Variants in AKIRIN2 observed in about 807,000 individuals in gnomAD.
AKIRIN2 encodes akirin-2.
In AKIRIN2, 6 loss-of-function variants were observed where a neutral mutation model predicts 29.3. The observed-to-expected ratio is 0.20, with a 90% CI of 0.11 to 0.40. The LOEUF is 0.40. AKIRIN2 is among the 10% of genes least tolerant of loss of function. The pLI, the probability that AKIRIN2 is intolerant of heterozygous loss-of-function variation, is 1.00. For missense variants in AKIRIN2, 210 were observed against 276.1 expected, an observed-to-expected ratio of 0.76 and a Z score of 1.70; for synonymous variants, 128 against 117.5, an observed-to-expected ratio of 1.09 and a Z score of -0.58.
chr6:87,676,447 CAAAAAAA>C (rs71021319), intron 3 of AKIRIN2, among the ~76,000 whole-genome samples: 8 of 41,908 alleles, frequency 1.9e-4, no homozygotes, highest in South Asian at 2.3e-3. Context: ...GCCTGGGCAA[CAAAAAAA>C]AAAAAAAAAA....
intron 1 of AKIRIN2, among the ~76,000 whole-genome samples, chr6:87,682,330 A>C (rs1177643982): frequency 6.6e-6 from 1 of 152,218 alleles, no homozygotes; most frequent in Non-Finnish European, 1.5e-5. Context: ...AAACCTAAGA[A>C]TACTACAGCA....
chr6:87,693,948 T>C (rs1562400507), intron 1 of AKIRIN2, among the ~76,000 whole-genome samples: 1 of 152,194 alleles, frequency 6.6e-6, no homozygotes, highest in Admixed American at 6.5e-5. Flanking sequence ...TAGATAATCA[T>C]ATTTTAGTAG....
chr6:87,676,785 A>C (rs1445417671), intron 3 of AKIRIN2, among the ~76,000 whole-genome samples: 1 of 151,134 alleles, frequency 6.6e-6, no homozygotes, highest in Admixed American at 6.6e-5. Flanking sequence ...ATCTTAAAAA[A>C]AAAACAATTG....
rs1287550661 is a variant in AKIRIN2 at position 87,701,499 on chromosome 6, G to C, written c.186C>G (p.Leu62=). Reference sequence around the variant, plus strand: ...CGCCGAAGGGGGATGGCTCCATTCGGAGATACTTCTGCGGCGAGGCGGCCG... The same window carrying C: ...CGCCGAAGGGGGATGGCTCCATTCGCAGATACTTCTGCGGCGAGGCGGCCG... ...SAAAASPQKY[L]RMEPSPFGDV... The change falls in exon 1 of 5, where the codon CTC becomes CTG. Residue 62 remains leucine (L), a synonymous_variant. Transcript: ENST00000257787. 1 of 1,486,484 alleles carries C rather than the reference G, an allele frequency of 6.7e-7. No individual in the cohort carries two copies. Among genetic ancestry groups the C allele is most frequent in the Admixed American group, 2.6e-5 (1 of 38,930 alleles). 92.1% of individuals were successfully genotyped at this position (1,486,484 alleles called of 1,614,324 possible).
rs373005907 is a variant in AKIRIN2 at position 87,677,977 on chromosome 6, A to G, written c.380-10T>C. On this transcript the variant is annotated splice_polypyrimidine_tract_variant and intron_variant, in intron 2 of 4. Transcript: ENST00000257787. ...GCTGCAGATGAAGTCCCTATGTACA[A>G]TGAGGACAAAAAATAGCACCTGGTT... The G allele has an allele frequency of 2.5e-6, 4 of 1,605,984 alleles. No homozygotes were observed. Among genetic ancestry groups the G allele is most frequent in the Non-Finnish European group, 3.4e-6 (4 of 1,176,096 alleles).
chr6:87,698,540 A>G (rs1223675902), intron 1 of AKIRIN2, among the ~76,000 whole-genome samples: 2 of 152,200 alleles, frequency 1.3e-5, no homozygotes, highest in Non-Finnish European at 2.9e-5. Flanking sequence ...CAGGCTACAC[A>G]AAAATATGGC....
In AKIRIN2 at chr6:87,676,596, A is replaced by AACACACACACACAC. The variant is rs112353955; in HGVS notation, c.530-679_530-666dup. 2.2e-3 allele frequency among the ~76,000 whole-genome samples: 307 copies of AACACACACACACAC among 142,130 alleles called. 1 individual carries two copies. The highest frequency in any genetic ancestry group is 6.6e-3 in the African/African-American group (243 of 37,038). The allele number at this position is 142,130 out of a possible 152,430, so 93.2% of individuals were successfully genotyped here. A position where few individuals can be genotyped will look rare whatever the true frequency, so the allele number is the denominator to read the frequency against. ...ATGGTGAAACCCCGTCTCTACTAAA[A>AACACACACACACAC]ACACACACACACACACACACACACA... On this transcript the variant is annotated intron_variant, in intron 3 of 4. Coordinates refer to ENST00000257787, the MANE Select transcript of AKIRIN2 (RefSeq NM_018064.4).
chr6:87,699,575 A>G (rs1771425299), intron 1 of AKIRIN2, among the ~76,000 whole-genome samples: 4 of 152,006 alleles, frequency 2.6e-5, no homozygotes, highest in African/African-American at 7.3e-5. Flanking sequence ...AGTATTTTGG[A>G]AAGTGAATGT....
chr6:87,701,944 G>C lies in AKIRIN2; in HGVS notation c.-260C>G, dbSNP rs1027205087. 6 of 405,366 alleles carry C rather than the reference G, an allele frequency of 1.5e-5. No individual in the cohort carries two copies. The highest frequency in any genetic ancestry group is 2.6e-5 in the Non-Finnish European group (6 of 229,698). 25.1% of individuals were successfully genotyped at this position (405,366 alleles called of 1,614,324 possible). A position where few individuals can be genotyped will look rare whatever the true frequency, so the allele number is the denominator to read the frequency against. ...GCAGAAGCACACGCCAGTCGCGTCAGGGGGGTTCTTCCGCCTCCTCAGGCG... is the reference window on the plus strand; with the variant it reads ...GCAGAAGCACACGCCAGTCGCGTCACGGGGGTTCTTCCGCCTCCTCAGGCG... On this transcript the variant is annotated 5_prime_UTR_variant, in exon 1 of 5. Coordinates refer to ENST00000257787, the MANE Select transcript of AKIRIN2 (RefSeq NM_018064.4).
intron 1 of AKIRIN2, among the ~76,000 whole-genome samples, chr6:87,696,075 G>A (rs1771355502): frequency 6.6e-6 from 1 of 152,086 alleles, no homozygotes; most frequent in Non-Finnish European, 1.5e-5. Context: ...AGGTACTTGA[G>A]AGGCTGAGGC....
At position 87,696,717 on chromosome 6, in the gene AKIRIN2, A is replaced by C. The variant is rs1192657163; in HGVS notation, c.235+4733T>G. ...CTCCATCCAAAAAAAAAAAAAAAAA[A>C]GCCAGGGAGGCCAGGCGCGGTGGCT... On this transcript the variant is annotated intron_variant, in intron 1 of 4. Transcript: ENST00000257787. Among the ~76,000 whole-genome samples, 5 of 144,646 alleles carry C rather than the reference A, an allele frequency of 3.5e-5. No individual in the cohort carries two copies. In the East Asian group the frequency reaches 1.0e-3, roughly 29 times the overall value. 94.9% of individuals were successfully genotyped at this position (144,646 alleles called of 152,430 possible).
Position 87,701,706 on chromosome 6 carries a change from C to G in AKIRIN2, c.-22G>C. 1 of 1,422,718 alleles carries G rather than the reference C, an allele frequency of 7.0e-7. No individual in the cohort carries two copies. The highest frequency in any genetic ancestry group is 9.2e-7 in the Non-Finnish European group (1 of 1,087,360). The allele number at this position is 1,422,718 out of a possible 1,614,324, so 88.1% of individuals were successfully genotyped here. A position where few individuals can be genotyped will look rare whatever the true frequency, so the allele number is the denominator to read the frequency against. ...CCATGGCCGGGGGCAGCTGAGGCGCCGGGCTCGGGTGGGGTCGGGGACGGG... is the reference window on the plus strand; with the variant it reads ...CCATGGCCGGGGGCAGCTGAGGCGCGGGGCTCGGGTGGGGTCGGGGACGGG... On this transcript the variant is annotated 5_prime_UTR_variant, in exon 1 of 5. Transcript: ENST00000257787.
rs1489631388 is a variant in AKIRIN2 at position 87,701,736 on chromosome 6, G to A, written c.-52C>T. The A allele has an allele frequency of 9.3e-6, 12 of 1,286,122 alleles. No homozygotes were observed. Among genetic ancestry groups the A allele is most frequent in the African/African-American group, 1.6e-5 (1 of 63,564 alleles). 79.7% of individuals were successfully genotyped at this position (1,286,122 alleles called of 1,614,324 possible). A position where few individuals can be genotyped will look rare whatever the true frequency, so the allele number is the denominator to read the frequency against. On this transcript the variant is annotated 5_prime_UTR_variant, in exon 1 of 5. Transcript: ENST00000257787. ...TCGGGTGGGGTCGGGGACGGGTGACGAAAGAAGAGGGTGAGGGAAGGGGTG... is the reference window on the plus strand; with the variant it reads ...TCGGGTGGGGTCGGGGACGGGTGACAAAAGAAGAGGGTGAGGGAAGGGGTG...
intron 1 of AKIRIN2, among the ~76,000 whole-genome samples, chr6:87,685,134 C>A (rs187033958): frequency 1.4e-3 from 209 of 152,262 alleles, no homozygotes; most frequent in African/African-American, 4.7e-3. Flanking sequence ...CCACACTGTG[C>A]CCTCAAATGC....
At position 87,681,777 on chromosome 6, in the gene AKIRIN2, G is replaced by T. The variant is rs1176537844; in HGVS notation, c.236-14C>A. The T allele has an allele frequency of 1.7e-5, 26 of 1,551,062 alleles. No individual in the cohort carries two copies. The highest frequency in any genetic ancestry group is 2.3e-5 in the Non-Finnish European group (26 of 1,150,824). On this transcript the variant is annotated splice_polypyrimidine_tract_variant and intron_variant, in intron 1 of 4. Transcript: ENST00000257787. The stretch of plus-strand genomic sequence containing the variant: ...ACAGAATTTGTTCTAAAATAAAAAA[G>T]TTAAAATTTGGCAAGATAAAAACTT...
chr6:87,688,739 G>A (rs1478772299), intron 1 of AKIRIN2, among the ~76,000 whole-genome samples: 1 of 152,058 alleles, frequency 6.6e-6, no homozygotes, highest in Non-Finnish European at 1.5e-5. Context: ...GGCAACAAGA[G>A]TGAAACTCCG....
At chr6:87,698,464 G>A (rs1771406497) in intron 1 of AKIRIN2, among the ~76,000 whole-genome samples, 2 of 150,988 alleles carry the variant, frequency 1.3e-5, no homozygotes, top group African/African-American at 4.9e-5. Context: ...ATTCTCACGT[G>A]TCACAAAATA....
intron 1 of AKIRIN2, among the ~76,000 whole-genome samples, chr6:87,687,064 AT>A (rs1302280047): frequency 1.5e-4 from 23 of 150,474 alleles, no homozygotes; most frequent in African/African-American, 5.4e-4. Flanking sequence ...AAAAAAAAAA[AT>A]CTTGAAAGTC....
At chr6:87,676,009 C>T (rs1393132518) in intron 3 of AKIRIN2, 78 bp from the exon 4 acceptor site, 5 of 1,199,766 alleles carry the variant, frequency 4.2e-6, no homozygotes, top group Non-Finnish European at 4.8e-6. Context: ...ACAAAATATA[C>T]AGTAAAACAA....
Sources: gnomAD v4.1 joint callset for allele counts (sites outside exome capture counted in the v4.1 genomes callset) on GRCh38, gnomAD v4.1.1 for gene constraint, MANE v1.5 for transcripts, NCBI Gene and HGNC (gene_info 2026-07-23, HGNC 2026-07-21) for gene names.